RYR2: variants seen among roughly 807,000 people sequenced by gnomAD.
RYR2 encodes cardiac muscle ryanodine receptor-calcium release channel.
RYR2 carries 227 observed loss-of-function variants against 601.1 expected under a neutral mutation model. That is an observed-to-expected ratio of 0.38 (90% confidence interval 0.34 to 0.42). RYR2 has a LOEUF of 0.42. Ranked by LOEUF, RYR2 falls within the 10% of genes least tolerant of loss-of-function variation. RYR2 has a pLI of 1.00. For missense variants in RYR2, 4,646 were observed against 6,156.5 expected (o/e 0.75, Z 8.21); for synonymous variants, 2,223 against 2,175.1 (o/e 1.02, Z -0.61).
rs1284802339 is a variant in RYR2, at chr1:237,627,908, C to T, written c.6268C>T (p.Arg2090Trp). The stretch of plus-strand genomic sequence containing the variant: ...GAGGGCCATGTTTGTGTTGCTCCAT[C>T]GGCAGTATGACGGCATTGGGGGTCT... ...LVRAMFVLLH[R>W]QYDGIGGLVR... Residue 2090 changes from arginine (R) to tryptophan (W), a missense_variant, in exon 41 of 105, where the codon CGG becomes TGG. Transcript: ENST00000366574. 5 of 1,613,860 alleles carry T rather than the reference C, an allele frequency of 3.1e-6. No individual in the cohort carries two copies. The highest frequency in any genetic ancestry group is 4.2e-6 in the Non-Finnish European group (5 of 1,179,880).
At chr1:237,360,059 A>G (rs1383831900) in intron 4 of RYR2, among the ~76,000 whole-genome samples, 1 of 152,240 alleles carries the variant, frequency 6.6e-6, no homozygotes, top group Admixed American at 6.5e-5. Flanking sequence ...ATCCATAATC[A>G]TTTCAAATGT....
intron 68 of RYR2, among the ~76,000 whole-genome samples, chr1:237,708,413 G>A (rs1688558465): frequency 6.6e-6 from 1 of 152,132 alleles, no homozygotes; most frequent in Non-Finnish European, 1.5e-5. Context: ...AAATAAGAGA[G>A]CAGTGTTCCA....
At chr1:237,482,781 T>C (rs1266942953) in intron 17 of RYR2, among the ~76,000 whole-genome samples, 1 of 152,174 alleles carries the variant, frequency 6.6e-6, no homozygotes, top group African/African-American at 2.4e-5. Flanking sequence ...CTCCAAAATG[T>C]TCTCCATAGT....
chr1:237,769,706 C>A (rs1694117803), intron 84 of RYR2, among the ~76,000 whole-genome samples: 1 of 151,402 alleles, frequency 6.6e-6, no homozygotes, highest in South Asian at 2.1e-4. Context: ...TCTTTCTCAG[C>A]CGAAAGTATT....
intron 17 of RYR2, among the ~76,000 whole-genome samples, chr1:237,478,551 A>G (rs1661665113): frequency 6.6e-6 from 1 of 152,254 alleles, no homozygotes; most frequent in Admixed American, 6.5e-5. Flanking sequence ...CACTGCTAAG[A>G]TATGATATGG....
At chr1:237,505,457 T>G (rs749041112) in intron 22 of RYR2, among the ~76,000 whole-genome samples, 49 of 152,228 alleles carry the variant, frequency 3.2e-4, no homozygotes, top group South Asian at 6.2e-4. Context: ...GATTTTTAGC[T>G]CCTCAAATCG....
At position 237,492,866 on chromosome 1, in the gene RYR2, AG is replaced by A. The variant is rs2150419537; in HGVS notation, c.1828-86del. 4.6e-6 allele frequency: 6 copies of A among 1,297,600 alleles called. No individual in the cohort carries two copies. The East Asian group carries it at 1.4e-4, about 29-fold the overall frequency. The allele number at this position is 1,297,600 out of a possible 1,614,324, so 80.4% of individuals were successfully genotyped here. On this transcript the variant is annotated intron_variant, in intron 18 of 104. Coordinates refer to ENST00000366574, the MANE Select transcript of RYR2 (RefSeq NM_001035.3). Reference sequence around the variant, plus strand: ...AAGGAAGGAAGGAAGGAAGGAAGGAAGGAAGAAGGGAAGGAAGGAAGGGAGG... The same window carrying A: ...AAGGAAGGAAGGAAGGAAGGAAGGAAGAAGAAGGGAAGGAAGGAAGGGAGG...
chr1:237,635,196 A>G (rs1680751547), intron 44 of RYR2, among the ~76,000 whole-genome samples: 2 of 152,244 alleles, frequency 1.3e-5, no homozygotes, highest in South Asian at 4.1e-4. Context: ...TACATTGCAC[A>G]CTATATAATG....
At chr1:237,583,820 C>G (rs1471074443) in intron 29 of RYR2, among the ~76,000 whole-genome samples, 1 of 152,186 alleles carries the variant, frequency 6.6e-6, no homozygotes, top group Non-Finnish European at 1.5e-5. Context: ...GGACTGCTAG[C>G]TCCTTGGCTG....
chr1:237,445,398 C>T lies in RYR2; in HGVS notation c.1171-3C>T, dbSNP rs1708241380. ...TAATGGCCTTATTTTTGCTTTCTTACAGGCTATTATGCATCATGAAGGCCA... is the reference window on the plus strand; with the variant it reads ...TAATGGCCTTATTTTTGCTTTCTTATAGGCTATTATGCATCATGAAGGCCA... On this transcript the variant is annotated splice_polypyrimidine_tract_variant and splice_region_variant and intron_variant, in intron 13 of 104. Transcript: ENST00000366574. The T allele has an allele frequency of 1.9e-6, 3 of 1,612,326 alleles. No individual in the cohort carries two copies. The highest frequency in any genetic ancestry group is 1.3e-5 in the African/African-American group (1 of 74,812).
At chr1:237,514,019 G>A (rs1666171924) in intron 24 of RYR2, among the ~76,000 whole-genome samples, 1 of 152,156 alleles carries the variant, frequency 6.6e-6, no homozygotes, top group South Asian at 2.1e-4. Flanking sequence ...AAAATGACAA[G>A]GTTTGCTTGT....
intron 2 of RYR2, 35 bp downstream of exon 2, chr1:237,270,651 C>A (rs761134618): frequency 1.3e-6 from 2 of 1,553,976 alleles, no homozygotes; most frequent in Non-Finnish European, 1.7e-6. Flanking sequence ...TTCAAATATG[C>A]AAGTTTTACT....
chr1:237,812,972 C>T (rs1376892260), intron 100 of RYR2, among the ~76,000 whole-genome samples: 4 of 151,754 alleles, frequency 2.6e-5, no homozygotes, highest in Non-Finnish European at 5.9e-5. Context: ...TTACTAGTGA[C>T]GACTCTCCAT....
At chr1:237,633,761 A>C (rs1260583630) in intron 43 of RYR2, 51 bp downstream of exon 43, 2 of 1,516,250 alleles carry the variant, frequency 1.3e-6, no homozygotes, top group Non-Finnish European at 1.8e-6. Flanking sequence ...ATATAATATT[A>C]CATTTAAAAA....
chr1:237,233,329 A>G (rs953129815), intron 1 of RYR2, among the ~76,000 whole-genome samples: 5 of 152,224 alleles, frequency 3.3e-5, no homozygotes, highest in Admixed American at 6.5e-5. Flanking sequence ...AGAAGATCAT[A>G]GATTGCTTTT....
chr1:237,126,728 G>A (rs1340948258), intron 1 of RYR2, among the ~76,000 whole-genome samples: 1 of 151,794 alleles, frequency 6.6e-6, no homozygotes, highest in Non-Finnish European at 1.5e-5. Flanking sequence ...ATCTGAACAT[G>A]TACCTGTGTA....
intron 77 of RYR2, among the ~76,000 whole-genome samples, chr1:237,731,022 A>G (rs1365158157): frequency 6.6e-6 from 1 of 152,188 alleles, no homozygotes; most frequent in African/African-American, 2.4e-5. Context: ...CATCTTGTGT[A>G]AAGTTATTTT....
rs768636054 is a variant in RYR2, at chr1:237,045,869, G to GTTTTTT, written c.48+3321_48+3326dup. Among the ~76,000 whole-genome samples, 37 of 56,934 alleles carry GTTTTTT rather than the reference G, an allele frequency of 6.5e-4. 1 individual carries two copies. The highest frequency in any genetic ancestry group is 3.1e-3 in the African/African-American group (36 of 11,766). 37.4% of individuals were successfully genotyped at this position (56,934 alleles called of 152,430 possible). ...ATGGTATAAAATGACCTTGGTCAAG[G>GTTTTTT]TTTTTTTTTTTTTTTTTTTTTTTTT... On this transcript the variant is annotated intron_variant, in intron 1 of 104. Transcript: ENST00000366574.
rs762641238 is a variant in RYR2 at position 237,614,029 on chromosome 1, C to T, written c.4911-10C>T. 39 of 1,604,540 alleles carry T rather than the reference C, an allele frequency of 2.4e-5. No individual in the cohort carries two copies. In the South Asian group the frequency reaches 3.9e-4, roughly 16 times the overall value. ...TTCTAATCTTACTACCACTCTCCTC[C>T]CTTCTACAGATCTGTTGACATCTTA... On this transcript the variant is annotated splice_polypyrimidine_tract_variant and intron_variant, in intron 36 of 104. Transcript: ENST00000366574. This position sits in a 1 kb window ranked among gnomAD's most constrained non-coding sequence, Gnocchi z 4.3.
Sources: allele counts gnomAD v4.1 joint callset (sites outside exome capture counted in the v4.1 genomes callset), GRCh38; gene constraint gnomAD v4.1.1; non-coding constraint Gnocchi (gnomAD v3.1); transcripts MANE v1.5; gene names NCBI Gene and HGNC (gene_info 2026-07-23, HGNC 2026-07-21).